The following SLC38A5 variants were observed in gnomAD, a reference collection of about 807,000 sequenced individuals.
SLC38A5 encodes the protein solute carrier family 38 member 5.
Under a neutral mutation model 34.6 loss-of-function variants are expected in SLC38A5, and 9 were observed. The observed-to-expected ratio is 0.26, with a 90% CI of 0.16 to 0.45. SLC38A5 has a LOEUF of 0.45. Among genes scored for constraint, SLC38A5 ranks in the 20% least tolerant of loss-of-function variants. The probability of loss-of-function intolerance (pLI) is 1.00; values close to 1 mark genes in which losing one functional copy is unlikely to be tolerated. For missense variants in SLC38A5, 253 were observed against 394.7 expected, an observed-to-expected ratio of 0.64 and a Z score of 3.04; for synonymous variants, 157 against 155.6, an observed-to-expected ratio of 1.01 and a Z score of -0.07.
chrX:48,460,533 C>T, intron 14 of SLC38A5, 116 bp downstream of exon 14: 2 of 712,610 alleles, frequency 2.8e-6, no homozygotes, highest in South Asian at 5.3e-5. Context: ...CCTGTCTGTC[C>T]ATCCTTGCCT....
chrX:48,467,622 G>C, intron 4 of SLC38A5, 88 bp downstream of exon 4: 1 of 921,398 alleles, frequency 1.1e-6, no homozygotes, highest in Non-Finnish European at 1.5e-6. Context: ...GAACAGCAGG[G>C]AGGAGGAGGA....
In SLC38A5 at chrX:48,467,023, T is replaced by C. The variant is rs111500734; in HGVS notation, c.184A>G (p.Met62Val). 2 of 1,211,975 alleles carry C rather than the reference T, an allele frequency of 1.7e-6. No homozygotes were observed. Among genetic ancestry groups the C allele is most frequent in the Non-Finnish European group, 2.2e-6 (2 of 895,521 alleles). ...MSVFNLSNAI[M>V]GSGILGLAYA... ...GCCAGCCCCAGGATGCCGCTGCCCA[T>C]GATGGCGTTGCTGAGGTTGAACACT... The change falls in exon 5 of 17, where the codon ATG becomes GTG. Residue 62 changes from methionine to valine, a missense_variant. This residue lies in a region of SLC38A5 where 37 missense variants were observed against 85.3 expected (regional missense o/e 0.43). Transcript: ENST00000620913.
In SLC38A5 at chrX:48,466,109, G is replaced by T. The variant is rs1230021703; in HGVS notation, c.413-16C>A. The T allele has an allele frequency of 1.2e-5, 14 of 1,186,500 alleles. No homozygotes were observed. Among genetic ancestry groups the T allele is most frequent in the Non-Finnish European group, 1.5e-5 (13 of 882,025 alleles). Reference sequence around the variant, plus strand: ...CTGGACATGGCTGGTGCAGGTGGGGGAGGTGTAAGCAGAAGGATTCTCTTC... The same window carrying T: ...CTGGACATGGCTGGTGCAGGTGGGGTAGGTGTAAGCAGAAGGATTCTCTTC... On this transcript the variant is annotated splice_polypyrimidine_tract_variant and intron_variant, in intron 7 of 16. Transcript: ENST00000620913.
At chrX:48,467,234 G>A (rs1163012971) in intron 4 of SLC38A5, 157 bp from the exon 5 acceptor site, 1 of 469,275 alleles carries the variant, frequency 2.1e-6, no homozygotes, top group African/African-American at 2.4e-5. Context: ...CAGGGAAGAA[G>A]AGTTGAAGAT....
chrX:48,460,457 C>G (rs1556961578), intron 14 of SLC38A5, among the ~76,000 whole-genome samples, 192 bp downstream of exon 14: 1 of 112,088 alleles, frequency 8.9e-6, no homozygotes, highest in Non-Finnish European at 1.9e-5. Flanking sequence ...CTCCTGCTAT[C>G]TATGTCCTCC....
intron 8 of SLC38A5, among the ~76,000 whole-genome samples, chrX:48,463,478 T>C (rs1486703320): frequency 9.2e-6 from 1 of 109,209 alleles, no homozygotes; most frequent in Non-Finnish European, 1.9e-5. Context: ...TGGTGGGGAG[T>C]GCCTGTAGTC....
intron 6 of SLC38A5, among the ~76,000 whole-genome samples, 163 bp downstream of exon 6, chrX:48,466,636 G>C (rs1395104956): frequency 9.2e-6 from 1 of 109,008 alleles, no homozygotes; most frequent in African/African-American, 3.3e-5. Flanking sequence ...GTAGTGGTCT[G>C]GGGGTGGGTT....
At chrX:48,468,340 G>T in intron 2 of SLC38A5, 1 of 781,790 alleles carries the variant, frequency 1.3e-6, no homozygotes, top group Non-Finnish European at 1.5e-6. Flanking sequence ...TTCATTCCCC[G>T]GTCCCCCGCG....
At chrX:48,468,773 T>C (rs2061496800) in intron 2 of SLC38A5, 2 of 631,193 alleles carry the variant, frequency 3.2e-6, no homozygotes, top group Non-Finnish European at 3.8e-6. Flanking sequence ...CTTGAGAAAC[T>C]TCCTAGGTGT....
At chrX:48,459,101 C>G in intron 16 of SLC38A5, 67 bp from the exon 17 acceptor site, 6 of 1,063,870 alleles carry the variant, frequency 5.6e-6, no homozygotes, top group Non-Finnish European at 7.6e-6. Context: ...TGAGAATGTT[C>G]CTCAAGTCTT....
intron 8 of SLC38A5, among the ~76,000 whole-genome samples, chrX:48,465,602 A>C (rs781980166): frequency 8.9e-6 from 1 of 111,842 alleles, no homozygotes; most frequent in Non-Finnish European, 1.9e-5. Flanking sequence ...AGGGTAAGAC[A>C]CATATGGTTG....
intron 8 of SLC38A5, 118 bp downstream of exon 8, chrX:48,465,897 G>A (rs1411389801): frequency 4.8e-6 from 3 of 625,863 alleles, no homozygotes; most frequent in Non-Finnish European, 4.8e-6. Context: ...GGCCTGCCCA[G>A]CAGTCTCAAA....
At chrX:48,462,701 G>A (rs782706138) in intron 9 of SLC38A5, among the ~76,000 whole-genome samples, 197 bp downstream of exon 9, 2 of 110,911 alleles carry the variant, frequency 1.8e-5, no homozygotes, top group Admixed American at 9.6e-5. Flanking sequence ...ACCCACCCCA[G>A]TTACCTTTGC....
chrX:48,466,450 G>A (rs1325200199), intron 6 of SLC38A5, 128 bp from the exon 7 acceptor site: 2 of 657,516 alleles, frequency 3.0e-6, no homozygotes, highest in East Asian at 3.5e-5. Context: ...GGATGAAGGT[G>A]GGGGTTAAGC....
intron 6 of SLC38A5, 24 bp from the exon 7 acceptor site, chrX:48,466,346 G>T (rs1369854639): frequency 8.5e-7 from 1 of 1,175,896 alleles, no homozygotes; most frequent in Non-Finnish European, 1.1e-6. Context: ...TCAGGAACAG[G>T]GTTGAAGGTC....
intron 6 of SLC38A5, 102 bp downstream of exon 6, chrX:48,466,697 G>T: frequency 1.1e-6 from 1 of 915,800 alleles, no homozygotes; most frequent in Non-Finnish European, 1.5e-6. Context: ...AGCTGGGTCT[G>T]GGGTCTGGGG....
intron 9 of SLC38A5, among the ~76,000 whole-genome samples, chrX:48,462,604 C>T (rs781968734): frequency 1.1e-5 from 1 of 92,014 alleles, no homozygotes; most frequent in African/African-American, 3.5e-5. Context: ...GAGTGAGACT[C>T]GGTCTCAAAA....
chrX:48,468,304 C>T (rs1447933170), intron 2 of SLC38A5: 23 of 832,176 alleles, frequency 2.8e-5, no homozygotes, highest in South Asian at 5.1e-5. Context: ...CCCAGACTCA[C>T]GCTGTCTCTC....
intron 16 of SLC38A5, chrX:48,459,240 T>A: frequency 2.2e-6 from 1 of 459,382 alleles, no homozygotes; most frequent in Non-Finnish European, 3.7e-6. Flanking sequence ...CGTTCCTCCA[T>A]CCTCCTTCTT....
Sources: gnomAD v4.1 joint callset for allele counts (sites outside exome capture counted in the v4.1 genomes callset) on GRCh38, gnomAD v4.1.1 for gene constraint, gnomAD v4.1.1 regional missense constraint, MANE v1.5 for transcripts, NCBI Gene and HGNC (gene_info 2026-07-23, HGNC 2026-07-21) for gene names.